Variants in LSAMP observed in about 807,000 individuals in gnomAD.
LSAMP encodes limbic system-associated membrane protein.
LSAMP carries 7 observed loss-of-function variants against 38.6 expected under a neutral mutation model. That is an observed-to-expected ratio of 0.18 (90% confidence interval 0.10 to 0.34). The LOEUF is 0.34. Among genes scored for constraint, LSAMP ranks in the 10% least tolerant of loss-of-function variants. The pLI is 1.00. For missense variants in LSAMP, 313 were observed against 420.0 expected (o/e 0.75, Z 2.23); for synonymous variants, 154 against 166.8 (o/e 0.92, Z 0.59).
chr3:116,317,474 G>T lies in LSAMP; in HGVS notation c.155+127403C>A, dbSNP rs555267592. On this transcript the variant is annotated intron_variant, in intron 1 of 6. Transcript: ENST00000490035. ...GGGTTCACGCCATTCTCCTGCCTCA[G>T]CCTCCCGAGTAGCTGGGACTACAGG... Among the ~76,000 whole-genome samples, 226 of 151,806 alleles carry T rather than the reference G, an allele frequency of 1.5e-3. 1 individual carries two copies. The highest frequency in any genetic ancestry group is 0.014 in the Middle Eastern group (4 of 292).
chr3:115,858,754 T>C (rs1935585831), intron 3 of LSAMP, among the ~76,000 whole-genome samples: 1 of 152,172 alleles, frequency 6.6e-6, no homozygotes, highest in Non-Finnish European at 1.5e-5. Flanking sequence ...GGGTCTGTGA[T>C]TGGAAATGTG....
chr3:116,101,301 T>G (rs1708341963), intron 1 of LSAMP, among the ~76,000 whole-genome samples: 1 of 152,210 alleles, frequency 6.6e-6, no homozygotes, highest in Non-Finnish European at 1.5e-5. Flanking sequence ...CTTATTTCCC[T>G]ATATTTGCTT....
intron 3 of LSAMP, among the ~76,000 whole-genome samples, chr3:115,885,446 A>G (rs1936427854): frequency 6.6e-6 from 1 of 151,960 alleles, no homozygotes; most frequent in African/African-American, 2.4e-5. Flanking sequence ...CATGGTTATT[A>G]GTTCTGAAGA....
intron 3 of LSAMP, among the ~76,000 whole-genome samples, chr3:115,875,586 A>G (rs1936159785): frequency 1.3e-5 from 2 of 152,026 alleles, no homozygotes; most frequent in African/African-American, 2.4e-5. Flanking sequence ...TTGACAAGCT[A>G]TTGCTATTGT....
At chr3:116,113,993 TAGA>T (rs1335558890) in intron 1 of LSAMP, among the ~76,000 whole-genome samples, 1 of 152,160 alleles carries the variant, frequency 6.6e-6, no homozygotes, top group African/African-American at 2.4e-5. Context: ...GACATGGAAA[TAGA>T]AGACTATGTT....
intron 6 of LSAMP, among the ~76,000 whole-genome samples, chr3:115,822,999 T>G (rs1934295396): frequency 6.6e-6 from 1 of 152,224 alleles, no homozygotes; most frequent in Non-Finnish European, 1.5e-5. Flanking sequence ...GAAACCAAAC[T>G]AAAATAATGC....
At chr3:116,193,847 AAAT>A (rs1489917112) in intron 1 of LSAMP, among the ~76,000 whole-genome samples, 2 of 152,200 alleles carry the variant, frequency 1.3e-5, no homozygotes, top group African/African-American at 4.8e-5. Context: ...TAAAACAACA[AAAT>A]AATAAGTCCA....
intron 1 of LSAMP, among the ~76,000 whole-genome samples, chr3:116,377,649 T>C (rs1256125084): frequency 6.6e-6 from 1 of 152,064 alleles, no homozygotes; most frequent in Non-Finnish European, 1.5e-5. Flanking sequence ...CTTTGCAAAC[T>C]CAGTATTTAT....
intron 2 of LSAMP, among the ~76,000 whole-genome samples, chr3:116,039,178 CT>C (rs1268083460): frequency 1.3e-5 from 2 of 152,174 alleles, no homozygotes; most frequent in East Asian, 3.9e-4. Flanking sequence ...TGAAACAAAT[CT>C]TTTGGAAATG....
At chr3:115,816,184 G>A (rs1164753870) in intron 6 of LSAMP, among the ~76,000 whole-genome samples, 2 of 152,120 alleles carry the variant, frequency 1.3e-5, no homozygotes, top group Non-Finnish European at 2.9e-5. Flanking sequence ...CAGCACCTCA[G>A]AATTAGTAAC....
chr3:115,958,069 A>G (rs1349057992), intron 3 of LSAMP, among the ~76,000 whole-genome samples: 2 of 152,168 alleles, frequency 1.3e-5, no homozygotes. Flanking sequence ...GAGCATACTT[A>G]CATTAAAAAA....
chr3:116,186,401 A>C (rs1306878258), intron 1 of LSAMP, among the ~76,000 whole-genome samples: 1 of 152,116 alleles, frequency 6.6e-6, no homozygotes, highest in African/African-American at 2.4e-5. Flanking sequence ...ATCTTGAGTG[A>C]TACAGGGTAC....
chr3:116,283,476 T>C (rs1362987527), intron 1 of LSAMP, among the ~76,000 whole-genome samples: 2 of 152,278 alleles, frequency 1.3e-5, no homozygotes, highest in East Asian at 3.9e-4. Context: ...CAGTTTACTT[T>C]TCAATAAAGT....
intron 1 of LSAMP, among the ~76,000 whole-genome samples, chr3:116,358,682 T>C (rs1212702321): frequency 6.6e-6 from 1 of 152,220 alleles, no homozygotes; most frequent in Non-Finnish European, 1.5e-5. Flanking sequence ...ATTCTATCTC[T>C]TTATGCATAC....
chr3:116,008,365 C>T (rs1302119270), intron 3 of LSAMP, among the ~76,000 whole-genome samples: 2 of 152,096 alleles, frequency 1.3e-5, no homozygotes, highest in African/African-American at 4.8e-5. Context: ...TTCTTCCTCT[C>T]AATTCTTTAC....
At chr3:115,826,961 T>C (rs1380196604) in intron 6 of LSAMP, among the ~76,000 whole-genome samples, 1 of 148,488 alleles carries the variant, frequency 6.7e-6, no homozygotes, top group African/African-American at 2.5e-5. Flanking sequence ...TCCGTCTTTT[T>C]TTTTTTTTTT....
intron 3 of LSAMP, among the ~76,000 whole-genome samples, chr3:115,999,636 T>C (rs1939930247): frequency 6.6e-6 from 1 of 152,194 alleles, no homozygotes; most frequent in Non-Finnish European, 1.5e-5. Context: ...GGAAGCCCTG[T>C]TTCCTTAGAA....
intron 1 of LSAMP, among the ~76,000 whole-genome samples, chr3:116,302,755 A>T (rs1244530976): frequency 6.6e-6 from 1 of 152,192 alleles, no homozygotes; most frequent in African/African-American, 2.4e-5. Context: ...GAAGACAAAT[A>T]ACATGATGTG....
intron 1 of LSAMP, among the ~76,000 whole-genome samples, chr3:116,434,127 CCCACAT>C (rs1305337842): frequency 6.6e-6 from 1 of 152,140 alleles, no homozygotes; most frequent in Non-Finnish European, 1.5e-5. Flanking sequence ...CCTCTTCAAC[CCCACAT>C]CCACAATTAC....
Sources: gnomAD v4.1 joint callset for allele counts (sites outside exome capture counted in the v4.1 genomes callset) on GRCh38, gnomAD v4.1.1 for gene constraint, MANE v1.5 for transcripts, NCBI Gene and HGNC (gene_info 2026-07-23, HGNC 2026-07-21) for gene names.